GRB14: variants seen among roughly 807,000 people sequenced by gnomAD.
The protein encoded by GRB14 is growth factor receptor bound protein 14.
In GRB14, 38 loss-of-function variants were observed where a neutral mutation model predicts 69.1. The ratio of observed to expected loss-of-function variants is 0.55; its 90% CI spans 0.42 to 0.72. The LOEUF (loss-of-function observed/expected upper bound fraction) is 0.72, where lower values mean the gene tolerates loss of function less well. GRB14 is among the 30% of genes least tolerant of loss of function. GRB14 has a pLI of 0.00. For missense variants in GRB14, 666 were observed against 666.1 expected (o/e 1.00, Z 0.00); for synonymous variants, 247 against 241.3 (o/e 1.02, Z -0.22).
At chr2:164,507,520 A>T (rs1687223020) in intron 8 of GRB14, among the ~76,000 whole-genome samples, 1 of 152,180 alleles carries the variant, frequency 6.6e-6, no homozygotes, top group South Asian at 2.1e-4. Flanking sequence ...TATATTGGCA[A>T]ATTATATTAG....
chr2:164,614,439 C>T (rs1272365645), intron 2 of GRB14, among the ~76,000 whole-genome samples: 1 of 152,116 alleles, frequency 6.6e-6, no homozygotes, highest in Non-Finnish European at 1.5e-5. Flanking sequence ...TTTCATGAGC[C>T]ATTCCAACTG....
intron 7 of GRB14, 40 bp from the exon 8 acceptor site, chr2:164,508,590 C>A: frequency 6.4e-7 from 1 of 1,563,880 alleles, no homozygotes; most frequent in Non-Finnish European, 8.8e-7. Context: ...TAATGCATAT[C>A]TTGAAGGTAA....
intron 2 of GRB14, among the ~76,000 whole-genome samples, chr2:164,600,183 C>G (rs944180900): frequency 3.9e-5 from 6 of 152,132 alleles, no homozygotes; most frequent in East Asian, 3.8e-4. Flanking sequence ...ACAGCGCCCC[C>G]CTGTGTGATC....
At chr2:164,579,854 C>T (rs1689352748) in intron 2 of GRB14, among the ~76,000 whole-genome samples, 1 of 152,030 alleles carries the variant, frequency 6.6e-6, no homozygotes, top group Non-Finnish European at 1.5e-5. Flanking sequence ...AACAAGAGAA[C>T]AGAGGAGATC....
At chr2:164,568,686 C>A (rs1434085661) in intron 2 of GRB14, among the ~76,000 whole-genome samples, 1 of 152,112 alleles carries the variant, frequency 6.6e-6, no homozygotes, top group African/African-American at 2.4e-5. Context: ...AACTTTTTTT[C>A]CAAAACAGTG....
At chr2:164,587,831 G>C (rs1410078818) in intron 2 of GRB14, among the ~76,000 whole-genome samples, 1 of 152,134 alleles carries the variant, frequency 6.6e-6, no homozygotes, top group Non-Finnish European at 1.5e-5. Flanking sequence ...TGGACATAAA[G>C]CTTTTCTCAC....
At chr2:164,576,755 A>C (rs1192495205) in intron 2 of GRB14, among the ~76,000 whole-genome samples, 1 of 151,852 alleles carries the variant, frequency 6.6e-6, no homozygotes, top group Non-Finnish European at 1.5e-5. Flanking sequence ...ATTTTAAAAA[A>C]ATTATTAAAT....
At chr2:164,583,318 GA>G (rs978805335) in intron 2 of GRB14, among the ~76,000 whole-genome samples, 25 of 148,974 alleles carry the variant, frequency 1.7e-4, no homozygotes, top group African/African-American at 5.2e-4. Context: ...CTCAAAGAAA[GA>G]AAAAAAAAGG....
chr2:164,554,261 A>G (rs1688621617), intron 2 of GRB14, among the ~76,000 whole-genome samples: 1 of 152,162 alleles, frequency 6.6e-6, no homozygotes, highest in South Asian at 2.1e-4. Context: ...GCTATTTAAT[A>G]AAGGGATATT....
At chr2:164,607,103 G>A (rs1690060339) in intron 2 of GRB14, among the ~76,000 whole-genome samples, 1 of 152,162 alleles carries the variant, frequency 6.6e-6, no homozygotes, top group Non-Finnish European at 1.5e-5. Flanking sequence ...CATTTATCCT[G>A]ACCAGGCTCT....
chr2:164,583,575 A>G (rs1293242087), intron 2 of GRB14, among the ~76,000 whole-genome samples: 6 of 152,338 alleles, frequency 3.9e-5, no homozygotes, highest in Admixed American at 3.9e-4. Context: ...GCACATTACA[A>G]TATCTGGAGT....
chr2:164,592,477 A>C (rs1353113848), intron 2 of GRB14, among the ~76,000 whole-genome samples: 1 of 152,078 alleles, frequency 6.6e-6, no homozygotes, highest in Non-Finnish European at 1.5e-5. Flanking sequence ...ACTGACTAAT[A>C]CACCCAGTGA....
At chr2:164,524,432 T>A (rs376529911) in intron 5 of GRB14, among the ~76,000 whole-genome samples, 1 of 152,114 alleles carries the variant, frequency 6.6e-6, no homozygotes, top group Non-Finnish European at 1.5e-5. Flanking sequence ...ATGAGTCCAA[T>A]AGACACAAAA....
At chr2:164,603,894 G>A (rs977625799) in intron 2 of GRB14, among the ~76,000 whole-genome samples, 1 of 152,032 alleles carries the variant, frequency 6.6e-6, no homozygotes, top group Non-Finnish European at 1.5e-5. Context: ...CCATATAAAG[G>A]ATTCTTACAA....
chr2:164,526,795 C>T (rs561739979), intron 4 of GRB14, among the ~76,000 whole-genome samples: 15 of 151,950 alleles, frequency 9.9e-5, no homozygotes, highest in East Asian at 7.8e-4. Context: ...TTTACCAATA[C>T]GGCTTTAAAA....
At chr2:164,569,291 C>T (rs1689068112) in intron 2 of GRB14, among the ~76,000 whole-genome samples, 1 of 152,002 alleles carries the variant, frequency 6.6e-6, no homozygotes, top group African/African-American at 2.4e-5. Flanking sequence ...AGGAGGTTTA[C>T]AATGGAAAAC....
chr2:164,582,332 C>T lies in GRB14; in HGVS notation c.325-34516G>A, dbSNP rs145158813. On this transcript the variant is annotated intron_variant, in intron 2 of 13. Coordinates refer to ENST00000263915, the MANE Select transcript of GRB14 (RefSeq NM_004490.3). ...TCTATTCACATCCCATATCCATATC[C>T]ACTCTGTCACCAAGTTCTGCTAATT... Among the ~76,000 whole-genome samples, 159 of 152,238 alleles carry T rather than the reference C, an allele frequency of 1.0e-3. 1 individual carries two copies. The highest frequency in any genetic ancestry group is 3.8e-3 in the African/African-American group (157 of 41,560).
chr2:164,616,429 A>T (rs958376499), intron 2 of GRB14, among the ~76,000 whole-genome samples: 2 of 149,730 alleles, frequency 1.3e-5, no homozygotes, highest in African/African-American at 4.9e-5. Flanking sequence ...CCGTCTCAAA[A>T]AAAAAAAAAA....
chr2:164,547,221 T>G (rs1259343091), intron 3 of GRB14, among the ~76,000 whole-genome samples: 3 of 152,122 alleles, frequency 2.0e-5, no homozygotes, highest in Non-Finnish European at 4.4e-5. Context: ...AGGAACCAGT[T>G]AGTGACCCCA....
Sources: gnomAD v4.1 joint callset for allele counts (sites outside exome capture counted in the v4.1 genomes callset) on GRCh38, gnomAD v4.1.1 for gene constraint, MANE v1.5 for transcripts, NCBI Gene and HGNC (gene_info 2026-07-23, HGNC 2026-07-21) for gene names.